Variants in PTAFR observed in about 807,000 individuals in gnomAD.
PTAFR encodes the protein platelet activating factor receptor.
In PTAFR, 8 loss-of-function variants were observed where a neutral mutation model predicts 14.7. The ratio of observed to expected loss-of-function variants is 0.54; its 90% CI spans 0.32 to 0.98. PTAFR has a LOEUF of 0.98. Ranked by LOEUF, PTAFR falls within the 50% of genes least tolerant of loss-of-function variation. The pLI, the probability that PTAFR is intolerant of heterozygous loss-of-function variation, is 0.04. For synonymous variants in PTAFR, 156 were observed against 176.5 expected, an observed-to-expected ratio of 0.88 and a Z score of 0.92; for missense variants, 337 against 451.2, an observed-to-expected ratio of 0.75 and a Z score of 2.29.
rs1337551384 is a variant in PTAFR at position 28,168,060 on chromosome 1, G to C, written c.-39+8532C>G. 9.0e-5 allele frequency among the ~76,000 whole-genome samples: 12 copies of C among 132,878 alleles called. 1 individual carries two copies. In the South Asian group the frequency reaches 3.0e-3, roughly 33 times the overall value. The allele number at this position is 132,878 out of a possible 152,430, so 87.2% of individuals were successfully genotyped here. The stretch of plus-strand genomic sequence containing the variant: ...TGCAAGCTCCGCCTCCCGGGTTCAC[G>C]CCATTCTCCCGCCTCAGTCTCCCGA... On this transcript the variant is annotated intron_variant, in intron 1 of 1. Coordinates refer to ENST00000373857, the MANE Select transcript of PTAFR (RefSeq NM_000952.5).
intron 1 of PTAFR, among the ~76,000 whole-genome samples, chr1:28,181,773 T>A (rs898000862): frequency 6.7e-6 from 1 of 150,254 alleles, no homozygotes; most frequent in Non-Finnish European, 1.5e-5. Context: ...ATAAATAAAT[T>A]CTAAACAAGA....
intron 1 of PTAFR, among the ~76,000 whole-genome samples, chr1:28,154,081 GAAAAAAA>G (rs71586829): frequency 9.0e-5 from 5 of 55,518 alleles, no homozygotes; most frequent in East Asian, 5.9e-4. Flanking sequence ...CCTTGTCTCA[GAAAAAAA>G]AAAAAAAAAA....
rs33965504 is a variant in PTAFR at position 28,167,950 on chromosome 1, CTTTTTTTTTTTTTT to C, written c.-39+8628_-39+8641del. ...CACCACGCCCAACTGAAAACCAGATCTTTTTTTTTTTTTTTTTTTTTTTTTTGAGATGGAGTCTC... is the reference window on the plus strand; with the variant it reads ...CACCACGCCCAACTGAAAACCAGATCTTTTTTTTTTTTGAGATGGAGTCTC... On this transcript the variant is annotated intron_variant, in intron 1 of 1. Transcript: ENST00000373857. Among the ~76,000 whole-genome samples, 65 of 38,190 alleles carry C rather than the reference CTTTTTTTTTTTTTT, an allele frequency of 1.7e-3. 1 individual carries two copies. The highest frequency in any genetic ancestry group is 7.1e-3 in the African/African-American group (62 of 8,698). 25.1% of individuals were successfully genotyped at this position (38,190 alleles called of 152,430 possible).
intron 1 of PTAFR, among the ~76,000 whole-genome samples, chr1:28,174,420 A>ATCTCTGCTC (rs1437534572): frequency 1.3e-5 from 2 of 152,072 alleles, no homozygotes. Flanking sequence ...CTGTAAAAGG[A>ATCTCTGCTC]CAATAAGATC....
intron 1 of PTAFR, among the ~76,000 whole-genome samples, chr1:28,173,673 G>A (rs572898454): frequency 8.6e-5 from 13 of 150,850 alleles, no homozygotes; most frequent in African/African-American, 2.7e-4. Context: ...AAAAGAGGAG[G>A]GGGGGCGGGG....
Position 28,149,997 on chromosome 1 carries a change from T to G in PTAFR, c.1025A>C (p.Asn342Thr). The change falls in exon 2 of 2, where the codon AAT becomes ACT. Residue 342 changes from asparagine (N) to threonine (T), a missense_variant. Transcript: ENST00000373857. Reference sequence around the variant, plus strand: ...CTTCAGGCCTGGAAGCAGGGACTAATTTTTGAGGGAATTGCCAGGGATCTG... The same window carrying G: ...CTTCAGGCCTGGAAGCAGGGACTAAGTTTTGAGGGAATTGCCAGGGATCTG... ...FNQIPGNSLK[N>T] The G allele has an allele frequency of 6.2e-7, 1 of 1,610,618 alleles. No homozygotes were observed. Among genetic ancestry groups the G allele is most frequent in the Non-Finnish European group, 8.5e-7 (1 of 1,177,742 alleles).
upstream of PTAFR, among the ~76,000 whole-genome samples, chr1:28,180,687 G>T (rs1241238659): frequency 6.6e-6 from 1 of 152,014 alleles, no homozygotes; most frequent in Non-Finnish European, 1.5e-5. Flanking sequence ...CACAGAAACT[G>T]GTATATGGAC....
Position 28,190,076 on chromosome 1 carries a change from G to A in PTAFR, c.-39+3646C>T, listed in dbSNP as rs543915790. On this transcript the variant is annotated intron_variant, in intron 1 of 1. Coordinates refer to the PTAFR transcript ENST00000305392. The stretch of plus-strand genomic sequence containing the variant: ...CAACCTCCACCTCCCAGGTTCAAGC[G>A]ATTCTCCTGCCTCGGCCTCCCAAGT... Among the ~76,000 whole-genome samples the A allele has an allele frequency of 1.5e-4, 23 of 152,144 alleles. No homozygotes were observed. The South Asian group carries it at 1.7e-3, about 11-fold the overall frequency.
intron 1 of PTAFR, among the ~76,000 whole-genome samples, chr1:28,155,309 CAAG>C (rs1646251256): frequency 6.6e-6 from 1 of 152,184 alleles, no homozygotes; most frequent in African/African-American, 2.4e-5. Context: ...CTCCCAGGTT[CAAG>C]CGATTCTCCT....
chr1:28,179,133 C>A (rs926413980), upstream of PTAFR, among the ~76,000 whole-genome samples: 7 of 152,186 alleles, frequency 4.6e-5, no homozygotes, highest in African/African-American at 1.7e-4. Flanking sequence ...AAACTGCTCA[C>A]CTAAAAGGCA....
intron 1 of PTAFR, among the ~76,000 whole-genome samples, chr1:28,160,382 A>G (rs2148996189): frequency 6.6e-6 from 1 of 151,564 alleles, no homozygotes; most frequent in South Asian, 2.1e-4. Context: ...GCAACACAGC[A>G]AGGCTTCATC....
At chr1:28,163,959 G>A (rs902326759) in intron 1 of PTAFR, among the ~76,000 whole-genome samples, 3 of 152,260 alleles carry the variant, frequency 2.0e-5, no homozygotes, top group Non-Finnish European at 2.9e-5. Context: ...CCCAGGCACA[G>A]CCTTCAGCTG....
intron 1 of PTAFR, among the ~76,000 whole-genome samples, chr1:28,168,753 C>G (rs1646419753): frequency 6.6e-6 from 1 of 152,158 alleles, no homozygotes; most frequent in African/African-American, 2.4e-5. Context: ...ACCACAACCT[C>G]CGCCTCCTGG....
At chr1:28,151,751 G>A (rs1424535422) in intron 1 of PTAFR, among the ~76,000 whole-genome samples, 1 of 152,060 alleles carries the variant, frequency 6.6e-6, no homozygotes, top group African/African-American at 2.4e-5. Context: ...CATCCCTTTT[G>A]CCATGTGAGG....
intron 1 of PTAFR, among the ~76,000 whole-genome samples, chr1:28,163,861 T>C (rs1466281347): frequency 6.6e-6 from 1 of 152,114 alleles, no homozygotes; most frequent in Non-Finnish European, 1.5e-5. Flanking sequence ...AGGAAGAGGA[T>C]GAACATTTGG....
At chr1:28,183,713 C>T (rs1646580989) in intron 1 of PTAFR, among the ~76,000 whole-genome samples, 1 of 152,088 alleles carries the variant, frequency 6.6e-6, no homozygotes, top group Non-Finnish European at 1.5e-5. Context: ...TAGTGAAACC[C>T]CGTCTCTACT....
At chr1:28,190,734 A>G (rs1272536150) in intron 1 of PTAFR, among the ~76,000 whole-genome samples, 1 of 152,202 alleles carries the variant, frequency 6.6e-6, no homozygotes, top group East Asian at 1.9e-4. Context: ...AAAGTAACTT[A>G]GGCAGCAAGT....
chr1:28,168,259 C>G (rs1572039417), intron 1 of PTAFR, among the ~76,000 whole-genome samples: 1 of 151,984 alleles, frequency 6.6e-6, no homozygotes, highest in South Asian at 2.1e-4. Flanking sequence ...GCGTGAGCCA[C>G]CGCGCCCGGC....
chr1:28,181,664 C>T (rs1303052712), upstream of PTAFR, among the ~76,000 whole-genome samples: 5 of 151,986 alleles, frequency 3.3e-5, no homozygotes, highest in Non-Finnish European at 5.9e-5. Flanking sequence ...ATTGCTTGAA[C>T]CTGGGAGGCG....
Sources: gnomAD v4.1 joint callset for allele counts (sites outside exome capture counted in the v4.1 genomes callset) on GRCh38, gnomAD v4.1.1 for gene constraint, MANE v1.5 for transcripts, NCBI Gene and HGNC (gene_info 2026-07-23, HGNC 2026-07-21) for gene names.